The following C8orf34 variants were observed in gnomAD, a reference collection of about 807,000 sequenced individuals.
The protein encoded by C8orf34 is uncharacterized protein C8orf34.
C8orf34 carries 65 observed loss-of-function variants against 68.3 expected under a neutral mutation model. That is an observed-to-expected ratio of 0.95 (90% confidence interval 0.78 to 1.17). C8orf34 has a LOEUF of 1.17. Ranked by LOEUF, C8orf34 falls within the 50% of genes most tolerant of loss-of-function variation. The pLI is 0.00. For missense variants in C8orf34, 664 were observed against 655.4 expected (o/e 1.01, Z -0.14); for synonymous variants, 244 against 241.2 (o/e 1.01, Z -0.11).
At chr8:68,589,600 G>GGAAA (rs541086204) in intron 7 of C8orf34, among the ~76,000 whole-genome samples, 74 of 125,332 alleles carry the variant, frequency 5.9e-4, no homozygotes, top group Admixed American at 2.0e-3. Context: ...AAGGAAGGAA[G>GGAAA]GAAAGAAAGA....
chr8:68,627,529 G>C (rs1818571758), intron 7 of C8orf34, among the ~76,000 whole-genome samples: 1 of 152,076 alleles, frequency 6.6e-6, no homozygotes, highest in Non-Finnish European at 1.5e-5. Flanking sequence ...ACCTTCACAG[G>C]GTGACAAAAG....
At chr8:68,486,934 C>T (rs4602871) in intron 4 of C8orf34, among the ~76,000 whole-genome samples, 42,794 of 151,944 alleles carry the variant, frequency 0.28, 7,170 homozygotes, top group Middle Eastern at 0.39. Flanking sequence ...ACACCAACCC[C>T]CCTTTGCTCT....
intron 3 of C8orf34, among the ~76,000 whole-genome samples, chr8:68,461,582 G>C (rs892649640): frequency 3.3e-5 from 5 of 152,194 alleles, no homozygotes; most frequent in Non-Finnish European, 7.3e-5. Context: ...ATCAGACTAA[G>C]AGCGGATCTC....
intron 10 of C8orf34, among the ~76,000 whole-genome samples, chr8:68,751,107 T>A (rs1052702110): frequency 1.3e-5 from 2 of 152,254 alleles, no homozygotes; most frequent in South Asian, 2.1e-4. Flanking sequence ...CAGAAGGACC[T>A]GGAGAGGGAC....
At chr8:68,805,063 A>G (rs1270359663) in intron 12 of C8orf34, among the ~76,000 whole-genome samples, 1 of 152,256 alleles carries the variant, frequency 6.6e-6, no homozygotes, top group Non-Finnish European at 1.5e-5. Flanking sequence ...GGCACAAGGC[A>G]GATGCCTGCC....
At chr8:68,783,077 AAAAGAAAAAAG>A (rs1299115312) in intron 11 of C8orf34, among the ~76,000 whole-genome samples, 1 of 151,276 alleles carries the variant, frequency 6.6e-6, no homozygotes, top group Non-Finnish European at 1.5e-5. Flanking sequence ...CAAAAAAAAA[AAAAGAAAAAAG>A]AAAAAGAAAA....
intron 1 of C8orf34, among the ~76,000 whole-genome samples, chr8:68,361,106 G>A (rs1254021027): frequency 3.3e-5 from 5 of 152,090 alleles, no homozygotes; most frequent in Non-Finnish European, 5.9e-5. Context: ...TACAGACTTT[G>A]AGATGGAGAT....
chr8:68,440,739 T>G (rs189288429), intron 2 of C8orf34, among the ~76,000 whole-genome samples: 124 of 152,248 alleles, frequency 8.1e-4, no homozygotes, highest in African/African-American at 2.8e-3. Flanking sequence ...TCTGTGAATT[T>G]ACTGTAGCTC....
intron 1 of C8orf34, among the ~76,000 whole-genome samples, chr8:68,428,914 T>C (rs1452213768): frequency 6.6e-6 from 1 of 152,108 alleles, no homozygotes; most frequent in Non-Finnish European, 1.5e-5. Flanking sequence ...AAATAACACC[T>C]ACCTCACCCC....
Position 68,449,803 on chromosome 8 carries a change from G to C in C8orf34, c.607+3343G>C, listed in dbSNP as rs368151966. 1.4e-4 allele frequency among the ~76,000 whole-genome samples: 22 copies of C among 152,174 alleles called. No individual in the cohort carries two copies. In the East Asian group the frequency reaches 3.7e-3, roughly 25 times the overall value. ...ATGGCTGTGGACAGATCAGGGTGTT[G>C]GCTACTGAAGGTTGAGGTATCTTTA... On this transcript the variant is annotated intron_variant, in intron 3 of 13. Coordinates refer to ENST00000518698, the MANE Select transcript of C8orf34 (RefSeq NM_052958.4).
chr8:68,775,625 T>A (rs551381131), intron 10 of C8orf34, among the ~76,000 whole-genome samples: 2 of 152,334 alleles, frequency 1.3e-5, no homozygotes, highest in South Asian at 4.1e-4. Context: ...TTGTCTGTCC[T>A]CTATGTAAAA....
At chr8:68,782,280 T>G (rs1303687481) in intron 11 of C8orf34, among the ~76,000 whole-genome samples, 1 of 152,190 alleles carries the variant, frequency 6.6e-6, no homozygotes, top group Non-Finnish European at 1.5e-5. Flanking sequence ...GTTATGGAGT[T>G]TTAAATCTAC....
chr8:68,444,410 AT>A (rs1811037689), intron 2 of C8orf34, among the ~76,000 whole-genome samples: 1 of 152,064 alleles, frequency 6.6e-6, no homozygotes, highest in Admixed American at 6.5e-5. Flanking sequence ...CATTATAAAT[AT>A]TTTTTAAAAC....
chr8:68,736,200 A>AT (rs369116233), intron 10 of C8orf34, among the ~76,000 whole-genome samples: 3 of 152,146 alleles, frequency 2.0e-5, no homozygotes, highest in African/African-American at 7.2e-5. Context: ...TCGACTTTTG[A>AT]TGTGTTTTCA....
chr8:68,451,223 T>G (rs1439007851), intron 3 of C8orf34, among the ~76,000 whole-genome samples: 1 of 152,130 alleles, frequency 6.6e-6, no homozygotes, highest in Non-Finnish European at 1.5e-5. Flanking sequence ...AGACCTTGGC[T>G]TAATGGAATG....
intron 8 of C8orf34, among the ~76,000 whole-genome samples, chr8:68,708,650 C>T (rs1176853841): frequency 6.6e-6 from 1 of 152,162 alleles, no homozygotes; most frequent in Non-Finnish European, 1.5e-5. Flanking sequence ...TAGGTGAGCA[C>T]ACTGTGTTGG....
chr8:68,409,085 C>T (rs1014532565), intron 1 of C8orf34, among the ~76,000 whole-genome samples: 1 of 151,552 alleles, frequency 6.6e-6, no homozygotes, highest in Non-Finnish European at 1.5e-5. Flanking sequence ...CTGTGCCCGG[C>T]CTGAGCTGCC....
intron 7 of C8orf34, among the ~76,000 whole-genome samples, chr8:68,542,205 A>G (rs368392017): frequency 1.3e-4 from 20 of 152,210 alleles, no homozygotes; most frequent in African/African-American, 4.8e-4. Flanking sequence ...TACAGTGGGA[A>G]TGGAATGTGC....
At chr8:68,645,596 C>T (rs1332137449) in intron 8 of C8orf34, among the ~76,000 whole-genome samples, 1 of 152,078 alleles carries the variant, frequency 6.6e-6, no homozygotes, top group Admixed American at 6.6e-5. Context: ...TTAAGAGTTT[C>T]AAGGTCAAGA....
Sources: allele counts gnomAD v4.1 joint callset (sites outside exome capture counted in the v4.1 genomes callset), GRCh38; gene constraint gnomAD v4.1.1; transcripts MANE v1.5; gene names NCBI Gene and HGNC (gene_info 2026-07-23, HGNC 2026-07-21).